Variants in PSD3 observed in about 807,000 individuals in gnomAD.
The protein encoded by PSD3 is PH and SEC7 domain-containing protein 3.
Under a neutral mutation model 105.5 loss-of-function variants are expected in PSD3, and 49 were observed. The ratio of observed to expected loss-of-function variants is 0.46; its 90% CI spans 0.37 to 0.59. PSD3 has a LOEUF of 0.59. Ranked by LOEUF, PSD3 falls within the 20% of genes least tolerant of loss-of-function variation. The pLI is 0.00. For synonymous variants in PSD3, 557 were observed against 457.8 expected (o/e 1.22, Z -2.77); for missense variants, 1,561 against 1,263.8 (o/e 1.24, Z -3.57).
At position 18,872,389 on chromosome 8, in the gene PSD3, C is replaced by T; in HGVS notation, c.475G>A (p.Asp159Asn). 1 of 1,614,188 alleles carries T rather than the reference C, an allele frequency of 6.2e-7. No individual in the cohort carries two copies. Among genetic ancestry groups the T allele is most frequent in the Non-Finnish European group, 8.5e-7 (1 of 1,180,038 alleles). Reference protein sequence around the residue: ...TLQATKVLDQDAVSSFSVQQV... With the variant: ...TLQATKVLDQNAVSSFSVQQV... Reference sequence around the variant, plus strand: ...TGAACTGAAAAACTAGAAACAGCATCTTGGTCCAGTACCTTTGTAGCCTGT... The same window carrying T: ...TGAACTGAAAAACTAGAAACAGCATTTTGGTCCAGTACCTTTGTAGCCTGT... The change falls in exon 3 of 16, where the codon GAT (aspartate) becomes AAT (asparagine). Residue 159 changes from aspartate (D) to asparagine (N), a missense_variant. Transcript: ENST00000327040.
chr8:19,024,675 C>A (rs992873543), intron 1 of PSD3, among the ~76,000 whole-genome samples: 1 of 152,036 alleles, frequency 6.6e-6, no homozygotes, highest in Admixed American at 6.6e-5. Flanking sequence ...AGGGGTAGAA[C>A]TTTCAGCCAC....
chr8:18,672,117 A>T (rs1799819430), intron 9 of PSD3, among the ~76,000 whole-genome samples: 1 of 152,206 alleles, frequency 6.6e-6, no homozygotes, highest in South Asian at 2.1e-4. Context: ...GGTAAGCCTT[A>T]AGTGTTGGAA....
intron 8 of PSD3, among the ~76,000 whole-genome samples, chr8:18,781,725 A>G (rs117187390): frequency 0.011 from 1,619 of 152,254 alleles, 15 homozygotes; most frequent in Non-Finnish European, 0.017. Flanking sequence ...CGAGCTTCCT[A>G]TATCTAGATG....
intron 1 of PSD3, among the ~76,000 whole-genome samples, chr8:18,999,220 G>A (rs956238543): frequency 4.6e-5 from 7 of 151,856 alleles, no homozygotes; most frequent in African/African-American, 1.5e-4. Context: ...CTGAAGTTAT[G>A]TATACAGCAG....
chr8:18,545,786 C>A (rs17643473), intron 15 of PSD3, among the ~76,000 whole-genome samples: 3,538 of 152,258 alleles, frequency 0.023, 61 homozygotes, highest in East Asian at 0.079. Context: ...GAAGCACATT[C>A]CCAGAGTTCT....
chr8:18,545,361 G>C (rs1800395092), intron 15 of PSD3, among the ~76,000 whole-genome samples: 1 of 152,202 alleles, frequency 6.6e-6, no homozygotes, highest in Admixed American at 6.5e-5. Flanking sequence ...TGTTTCCAAA[G>C]GTCCCACCCA....
At position 18,752,547 on chromosome 8, in the gene PSD3, T is replaced by A. The variant is rs28671035; in HGVS notation, c.2172+12902A>T. Among the ~76,000 whole-genome samples the A allele has an allele frequency of 4.2e-3, 45 of 10,710 alleles. 2 individuals are homozygous for A. The highest frequency in any genetic ancestry group is 0.041 in the South Asian group (8 of 194). The allele number at this position is 10,710 out of a possible 152,430, so 7.0% of individuals were successfully genotyped here. On this transcript the variant is annotated intron_variant, in intron 9 of 15. Transcript: ENST00000327040. Reference sequence around the variant, plus strand: ...ATATATAATTATATATTATATATATTATATATAATTATATATATTATATAT... The same window carrying A: ...ATATATAATTATATATTATATATATAATATATAATTATATATATTATATAT...
At chr8:18,669,963 G>A (rs180672684) in intron 9 of PSD3, among the ~76,000 whole-genome samples, 1 of 152,256 alleles carries the variant, frequency 6.6e-6, no homozygotes, top group Non-Finnish European at 1.5e-5. Flanking sequence ...TGAATCCAGT[G>A]GTGAACAACA....
intron 8 of PSD3, among the ~76,000 whole-genome samples, chr8:18,778,305 T>C (rs2129445040): frequency 6.6e-6 from 1 of 152,348 alleles, no homozygotes; most frequent in Admixed American, 6.5e-5. Context: ...CTGAGTTGTG[T>C]ACACTGATTT....
intron 8 of PSD3, among the ~76,000 whole-genome samples, chr8:18,780,892 T>A (rs1808558931): frequency 6.6e-6 from 1 of 152,180 alleles, no homozygotes; most frequent in South Asian, 2.1e-4. Flanking sequence ...TTATGACAGA[T>A]ATTGTCCTTT....
chr8:18,890,706 C>T (rs1428424990), intron 2 of PSD3, among the ~76,000 whole-genome samples: 7 of 151,944 alleles, frequency 4.6e-5, no homozygotes, highest in Admixed American at 2.0e-4. Context: ...CCTAGAGCTA[C>T]TTCACAGATG....
chr8:18,841,550 C>G (rs983903263), intron 4 of PSD3, among the ~76,000 whole-genome samples: 13 of 152,082 alleles, frequency 8.5e-5, no homozygotes, highest in Non-Finnish European at 7.3e-5. Flanking sequence ...CTCTCTAGGT[C>G]TCATGTGGAA....
intron 4 of PSD3, among the ~76,000 whole-genome samples, chr8:18,824,610 C>T (rs1043779147): frequency 1.3e-5 from 2 of 152,196 alleles, no homozygotes; most frequent in Non-Finnish European, 2.9e-5. Flanking sequence ...AAATTAAATT[C>T]TGCGCAATTC....
chr8:18,804,809 C>A lies in PSD3; in HGVS notation c.1724G>T (p.Ser575Ile), dbSNP rs181113165. The change falls in exon 5 of 16, where the codon AGT becomes ATT. Residue 575 changes from serine (S) to isoleucine (I), a missense_variant. Coordinates refer to ENST00000327040, the MANE Select transcript of PSD3 (RefSeq NM_015310.4). ...TTCCACATTGCTGCTGGTACCATTA[C>A]TGAGATTTTCTGGGGTCTCCTTTTC... The part of the protein sequence containing the change: ...ILEKETPENL[S>I]NGTSSNVEAA... 6.2e-7 allele frequency: 1 copy of A among 1,614,100 alleles called. No homozygotes were observed. The highest frequency in any genetic ancestry group is 8.5e-7 in the Non-Finnish European group (1 of 1,179,960).
At chr8:18,551,197 A>T (rs1007700349) in intron 15 of PSD3, among the ~76,000 whole-genome samples, 1 of 152,182 alleles carries the variant, frequency 6.6e-6, no homozygotes, top group African/African-American at 2.4e-5. Context: ...TGCTTCCCCA[A>T]TGTTGACAAA....
rs115596265 is a variant in PSD3 at position 18,572,404 on chromosome 8, G to A, written c.2784+124C>T. On this transcript the variant is annotated intron_variant, in intron 14 of 15. Transcript: ENST00000327040. Reference sequence around the variant, plus strand: ...CATATCTGCCTCATTTATATGATACGCTCTCACAGGGCAAGGTCTCACACC... The same window carrying A: ...CATATCTGCCTCATTTATATGATACACTCTCACAGGGCAAGGTCTCACACC... 707 of 1,153,864 alleles carry A rather than the reference G, an allele frequency of 6.1e-4. 3 individuals carry two copies. The African/African-American group carries it at 9.9e-3, about 16-fold the overall frequency. 71.5% of individuals were successfully genotyped at this position (1,153,864 alleles called of 1,614,324 possible). A position where few individuals can be genotyped will look rare whatever the true frequency, so the allele number is the denominator to read the frequency against.
chr8:18,574,837 C>G (rs1292575854), intron 13 of PSD3, among the ~76,000 whole-genome samples: 11 of 152,142 alleles, frequency 7.2e-5, no homozygotes, highest in Admixed American at 7.2e-4. Flanking sequence ...TGCGATAAAA[C>G]TTGTCTACTA....
chr8:19,041,362 G>A (rs1051094280), intron 1 of PSD3, among the ~76,000 whole-genome samples: 17 of 152,286 alleles, frequency 1.1e-4, no homozygotes, highest in African/African-American at 3.6e-4. Flanking sequence ...AATGTTGTAC[G>A]ATACTCATTT....
chr8:18,653,041 G>A (rs548418926), intron 10 of PSD3, among the ~76,000 whole-genome samples: 16 of 152,262 alleles, frequency 1.1e-4, no homozygotes, highest in Admixed American at 8.5e-4. Context: ...GATTGAACAG[G>A]ATGATAACAG....
Sources: gnomAD v4.1 joint callset for allele counts (sites outside exome capture counted in the v4.1 genomes callset) on GRCh38, gnomAD v4.1.1 for gene constraint, MANE v1.5 for transcripts, NCBI Gene and HGNC (gene_info 2026-07-23, HGNC 2026-07-21) for gene names.